The following ACTL6A variants were observed in gnomAD, a reference collection of about 807,000 sequenced individuals.
ACTL6A encodes the protein actin-like protein 6A.
In ACTL6A, 5 loss-of-function variants were observed where a neutral mutation model predicts 59.2. The ratio of observed to expected loss-of-function variants is 0.08; its 90% CI spans 0.04 to 0.18. ACTL6A has a LOEUF of 0.18. Ranked by LOEUF, ACTL6A falls within the 10% of genes least tolerant of loss-of-function variation. The pLI, the probability that ACTL6A is intolerant of heterozygous loss-of-function variation, is 1.00. For synonymous variants in ACTL6A, 154 were observed against 171.8 expected (o/e 0.90, Z 0.81); for missense variants, 285 against 526.9 (o/e 0.54, Z 4.49).
intron 1 of ACTL6A, among the ~76,000 whole-genome samples, chr3:179,567,807 A>G (rs1201210538): frequency 6.6e-6 from 1 of 152,220 alleles, no homozygotes; most frequent in Non-Finnish European, 1.5e-5. Flanking sequence ...AGGGTTAATT[A>G]TCTTGAGAAA....
chr3:179,566,237 T>TGA (rs760586395), intron 1 of ACTL6A, among the ~76,000 whole-genome samples: 15 of 151,892 alleles, frequency 9.9e-5, no homozygotes, highest in Admixed American at 7.9e-4. Flanking sequence ...GGTTAGAGCT[T>TGA]GAGAGAGAGA....
At chr3:179,581,940 GACTT>G (rs767163173) in intron 11 of ACTL6A, among the ~76,000 whole-genome samples, 2 of 152,234 alleles carry the variant, frequency 1.3e-5, no homozygotes, top group African/African-American at 4.8e-5. Flanking sequence ...ATTAAATGAG[GACTT>G]ACTTTATCTT....
chr3:179,580,046 T>A (rs1718287085), intron 8 of ACTL6A, among the ~76,000 whole-genome samples: 2 of 152,182 alleles, frequency 1.3e-5, no homozygotes, highest in African/African-American at 2.4e-5. Flanking sequence ...GTGCTGAGAT[T>A]ACAGGTATGA....
intron 8 of ACTL6A, among the ~76,000 whole-genome samples, chr3:179,577,153 T>A (rs895802842): frequency 5.3e-5 from 8 of 152,212 alleles, no homozygotes; most frequent in Non-Finnish European, 7.3e-5. Context: ...GAGGCATGCT[T>A]TTCATACTTG....
At chr3:179,565,912 G>C (rs1414017880) in intron 1 of ACTL6A, among the ~76,000 whole-genome samples, 1 of 152,224 alleles carries the variant, frequency 6.6e-6, no homozygotes, top group Non-Finnish European at 1.5e-5. Context: ...AAGAGGCAAA[G>C]AGGTGGAGGC....
chr3:179,577,479 A>G (rs1405389035), intron 8 of ACTL6A, among the ~76,000 whole-genome samples: 1 of 145,962 alleles, frequency 6.9e-6, no homozygotes, highest in Non-Finnish European at 1.5e-5. Flanking sequence ...TTAATTTCTT[A>G]AAAAAAAAAC....
chr3:179,569,472 G>A (rs559105107), intron 1 of ACTL6A, among the ~76,000 whole-genome samples: 24 of 152,156 alleles, frequency 1.6e-4, no homozygotes, highest in African/African-American at 4.3e-4. Context: ...ACTTAAATAC[G>A]GTGTATGCCT....
At position 179,576,259 on chromosome 3, in the gene ACTL6A, A is replaced by G. The variant is rs1466420019; in HGVS notation, c.519A>G (p.Gly173=). The part of the protein sequence containing the change: ...GRSTGLILDS[G]ATHTTAIPVH... ...CTACTGGGCTGATTTTGGACAGTGG[A>G]GCCACTCATACCACTGCAATTCCAG... is the stretch of plus-strand genomic sequence containing the variant. The change falls in exon 6 of 14, where the codon GGA becomes GGG. Residue 173 remains glycine, a synonymous_variant. Transcript: ENST00000429709. The G allele has an allele frequency of 6.2e-7, 1 of 1,613,408 alleles. No individual in the cohort carries two copies. Among genetic ancestry groups the G allele is most frequent in the Non-Finnish European group, 8.5e-7 (1 of 1,179,832 alleles).
chr3:179,568,448 CCTCT>C (rs1454582522), intron 1 of ACTL6A, among the ~76,000 whole-genome samples: 1 of 151,458 alleles, frequency 6.6e-6, no homozygotes, highest in Admixed American at 6.6e-5. Flanking sequence ...ATACAGATTT[CCTCT>C]CTCTCCCTTC....
chr3:179,563,232 C>A, intron 1 of ACTL6A, 115 bp downstream of exon 1: 2 of 1,458,128 alleles, frequency 1.4e-6, no homozygotes, highest in Non-Finnish European at 1.8e-6. Flanking sequence ...CTCTCGGGAC[C>A]CCGGCCTCCC....
chr3:179,580,785 A>T, intron 9 of ACTL6A, 84 bp downstream of exon 9: 1 of 1,362,854 alleles, frequency 7.3e-7, no homozygotes, highest in South Asian at 1.3e-5. Context: ...TGTTTAAAAT[A>T]TTCTCACTCC....
At chr3:179,569,715 C>A in intron 1 of ACTL6A, 109 bp from the exon 2 acceptor site, 2 of 904,732 alleles carry the variant, frequency 2.2e-6, no homozygotes, top group Non-Finnish European at 3.6e-6. Flanking sequence ...ATTTGGAAGA[C>A]TGAGGCGGGA....
intron 13 of ACTL6A, 66 bp from the exon 14 acceptor site, chr3:179,587,864 A>C (rs1718556176): frequency 5.6e-6 from 8 of 1,424,606 alleles, no homozygotes; most frequent in South Asian, 3.9e-5. Flanking sequence ...CAAAAAAAAA[A>C]AATTTTTTAA....
intron 11 of ACTL6A, among the ~76,000 whole-genome samples, chr3:179,582,980 G>C (rs987350108): frequency 6.6e-6 from 1 of 152,172 alleles, no homozygotes; most frequent in Non-Finnish European, 1.5e-5. Flanking sequence ...TTGGGAGCCT[G>C]AGGCAGGATT....
At position 179,586,629 on chromosome 3, in the gene ACTL6A, T is replaced by C; in HGVS notation, c.1206T>C (p.Ser402=). Residue 402 remains serine, a synonymous_variant, in exon 13 of 14, where the codon TCT becomes TCC. Coordinates refer to ENST00000429709, the MANE Select transcript of ACTL6A (RefSeq NM_004301.5). ...SSWIGGSILA[S]LGTFQQMWIS... is the part of the protein sequence containing the mutation. ...GGATTGGCGGCTCCATTCTAGCCTCTTTGGTTAGTAGATGAGCTACTTTGC... is the reference window on the plus strand; with the variant it reads ...GGATTGGCGGCTCCATTCTAGCCTCCTTGGTTAGTAGATGAGCTACTTTGC... The C allele has an allele frequency of 6.3e-7, 1 of 1,597,330 alleles. No individual in the cohort carries two copies. The highest frequency in any genetic ancestry group is 8.5e-7 in the Non-Finnish European group (1 of 1,175,154).
chr3:179,586,478 A>T (rs12635617), intron 12 of ACTL6A, 68 bp from the exon 13 acceptor site: 3 of 1,198,336 alleles, frequency 2.5e-6, no homozygotes, highest in Non-Finnish European at 2.3e-6. Flanking sequence ...AAAAAAAAAA[A>T]AAAAAAAAGA....
At position 179,563,000 on chromosome 3, in the gene ACTL6A, T is replaced by A; in HGVS notation, c.-93T>A. 1 of 1,526,234 alleles carries A rather than the reference T, an allele frequency of 6.6e-7. No homozygotes were observed. The allele number at this position is 1,526,234 out of a possible 1,614,324, so 94.5% of individuals were successfully genotyped here. A position where few individuals can be genotyped will look rare whatever the true frequency, so the allele number is the denominator to read the frequency against. ...TGGGTGGCGGTGGAAGTTAAGGGAG[T>A]CAGGGGCTATCGCTCCTCGAGACTC... On this transcript the variant is annotated 5_prime_UTR_variant, in exon 1 of 14. Coordinates refer to ENST00000429709, the MANE Select transcript of ACTL6A (RefSeq NM_004301.5).
intron 5 of ACTL6A, chr3:179,575,084 A>G (rs1437749379): frequency 4.2e-6 from 1 of 236,384 alleles, no homozygotes; most frequent in Non-Finnish European, 8.4e-6. Context: ...CTCAAGCGAT[A>G]TGCTTGCCTC....
Position 179,562,966 on chromosome 3 carries a change from T to C in ACTL6A, c.-127T>C. On this transcript the variant is annotated 5_prime_UTR_variant, in exon 1 of 14. Transcript: ENST00000429709. ...CCGGGGTGTGTGGACGCCGCTTTGT[T>C]GCCTGAGGTGGGTGGCGGTGGAAGT... 6 of 1,292,462 alleles carry C rather than the reference T, an allele frequency of 4.6e-6. No individual in the cohort carries two copies. Among genetic ancestry groups the C allele is most frequent in the Non-Finnish European group, 6.5e-6 (6 of 922,262 alleles). 80.1% of individuals were successfully genotyped at this position (1,292,462 alleles called of 1,614,324 possible). A position where few individuals can be genotyped will look rare whatever the true frequency, so the allele number is the denominator to read the frequency against.
Sources: allele counts gnomAD v4.1 joint callset (sites outside exome capture counted in the v4.1 genomes callset), GRCh38; gene constraint gnomAD v4.1.1; transcripts MANE v1.5; gene names NCBI Gene and HGNC (gene_info 2026-07-23, HGNC 2026-07-21).